ZNF439: variants seen among roughly 807,000 people sequenced by gnomAD.
ZNF439 encodes the protein zinc finger protein 439.
In ZNF439, 40 loss-of-function variants were observed where a neutral mutation model predicts 47.3. The ratio of observed to expected loss-of-function variants is 0.85; its 90% CI spans 0.66 to 1.10. ZNF439 has a LOEUF of 1.10. ZNF439 is among the 50% of genes least tolerant of loss of function. The pLI is 0.00. For synonymous variants in ZNF439, 171 were observed against 198.8 expected, an observed-to-expected ratio of 0.86 and a Z score of 1.18; for missense variants, 556 against 601.1, an observed-to-expected ratio of 0.93 and a Z score of 0.78.
chr19:11,855,348 G>C (rs1976357036), intron 1 of ZNF439, among the ~76,000 whole-genome samples: 1 of 152,160 alleles, frequency 6.6e-6, no homozygotes, highest in African/African-American at 2.4e-5. Context: ...ATTCCATATA[G>C]TCAGCACAGG....
chr19:11,855,790 G>T (rs988247100), intron 1 of ZNF439, among the ~76,000 whole-genome samples: 1 of 152,160 alleles, frequency 6.6e-6, no homozygotes, highest in African/African-American at 2.4e-5. Flanking sequence ...TGTCCCTGAC[G>T]CTCCAGTAGT....
Position 11,868,448 on chromosome 19 carries a change from A to C in ZNF439, c.1394A>C (p.His465Pro). Reference protein sequence around the residue: ...ASQLRIHRRIHTGEKPYECKK... With the variant: ...ASQLRIHRRIPTGEKPYECKK... ...CAACTTCGAATCCATCGTAGGATTC[A>C]CACTGGAGAGAAACCCTATGAATGT... is the stretch of plus-strand genomic sequence containing the variant. Residue 465 changes from histidine (H) to proline (P), a missense_variant, in exon 4 of 4, where the codon CAC becomes CCC. Physicochemically the swap from His to Pro is moderately conservative, Grantham distance 77. Transcript: ENST00000682736. The C allele has an allele frequency of 6.2e-7, 1 of 1,614,054 alleles. No homozygotes were observed.
In ZNF439 at chr19:11,867,598, G is replaced by T; in HGVS notation, c.544G>T (p.Glu182Ter). Residue 182 changes from glutamate to a stop codon, truncating the protein, a stop_gained, in exon 4 of 4, where the codon GAA becomes TAA. Transcript: ENST00000682736. LOFTEE classifies it high-confidence loss of function. ...FRYHPSLRTQ[E>*]RDHTGKKPYA... ...ATATCACCCCTCCTTGAGAACACAA[G>T]AAAGGGATCACACTGGAAAGAAACC... 6.2e-7 allele frequency: 1 copy of T among 1,613,172 alleles called. No homozygotes were observed. Among genetic ancestry groups the T allele is most frequent in the Non-Finnish European group, 8.5e-7 (1 of 1,180,014 alleles).
chr19:11,868,246 C>A lies in ZNF439; in HGVS notation c.1192C>A (p.Arg398Ser). 2 of 1,612,974 alleles carry A rather than the reference C, an allele frequency of 1.2e-6. No individual in the cohort carries two copies. The highest frequency in any genetic ancestry group is 1.7e-6 in the Non-Finnish European group (2 of 1,179,710). The change falls in exon 4 of 4, where the codon CGT becomes AGT. Residue 398 changes from arginine to serine, a missense_variant. Coordinates refer to ENST00000682736, the MANE Select transcript of ZNF439 (RefSeq NM_001348719.2). ...CAAGCAATGTGGTAAAGCCTTCACTCGTTCCGGTTCCTTTCGATATCATGA... is the reference window on the plus strand; with the variant it reads ...CAAGCAATGTGGTAAAGCCTTCACTAGTTCCGGTTCCTTTCGATATCATGA... ...KCKQCGKAFT[R>S]SGSFRYHERT...
Position 11,868,490 on chromosome 19 carries a change from C to A in ZNF439, c.1436C>A (p.Ala479Asp), listed in dbSNP as rs72994214. Residue 479 changes from alanine to aspartate, a missense_variant, in exon 4 of 4, where the codon GCC (alanine) becomes GAC (aspartate). Ala to Asp is a moderately radical substitution (Grantham distance 126). Coordinates refer to ENST00000682736, the MANE Select transcript of ZNF439 (RefSeq NM_001348719.2). ...KPYECKKCGK[A>D]FRYVQNFRFH... Reference sequence around the variant, plus strand: ...TATGAATGTAAGAAATGTGGGAAAGCCTTCAGATATGTCCAGAACTTTCGA... The same window carrying A: ...TATGAATGTAAGAAATGTGGGAAAGACTTCAGATATGTCCAGAACTTTCGA... The A allele has an allele frequency of 5.6e-6, 9 of 1,613,148 alleles. No individual in the cohort carries two copies. Among genetic ancestry groups the A allele is most frequent in the Non-Finnish European group, 7.6e-6 (9 of 1,179,788 alleles).
intron 1 of ZNF439, among the ~76,000 whole-genome samples, chr19:11,861,899 A>T (rs977122113): frequency 3.3e-5 from 5 of 151,976 alleles, no homozygotes; most frequent in Non-Finnish European, 5.9e-5. Flanking sequence ...CAGACATCAG[A>T]TTGTCTTTTG....
chr19:11,864,503 G>C (rs1976621896), intron 1 of ZNF439, among the ~76,000 whole-genome samples: 1 of 151,640 alleles, frequency 6.6e-6, no homozygotes, highest in African/African-American at 2.4e-5. Context: ...CACCATGTTA[G>C]CCAGGCTGGT....
intron 1 of ZNF439, among the ~76,000 whole-genome samples, chr19:11,854,775 T>C (rs779344455): frequency 1.6e-4 from 24 of 151,818 alleles, no homozygotes; most frequent in Non-Finnish European, 2.9e-4. Flanking sequence ...AAAAGAGATA[T>C]TATGTATTTG....
chr19:11,863,152 CTTTTTTTT>C (rs34655587), intron 1 of ZNF439, among the ~76,000 whole-genome samples: 1 of 90,058 alleles, frequency 1.1e-5, no homozygotes, highest in Non-Finnish European at 2.2e-5. Context: ...AAAGATTTTG[CTTTTTTTT>C]TTTTTTTTTT....
At chr19:11,857,429 A>G (rs1488659452) in intron 1 of ZNF439, 1 of 152,232 alleles carries the variant, frequency 6.6e-6, no homozygotes, top group African/African-American at 2.4e-5. Context: ...TAGGCTTGCA[A>G]GGTTTTAACT....
chr19:11,848,749 T>C lies in ZNF439; in HGVS notation c.-119T>C, dbSNP rs76055312. ...CCACTGTGCATCCAGGCACGGAGGA[T>C]GTTGCATTCCTGCCGTCACCTTTGT... On this transcript the variant is annotated 5_prime_UTR_variant, in exon 1 of 4. The change abolishes an upstream ATG in the 5' untranslated region. Transcript: ENST00000682736. The C allele has an allele frequency of 0.027, 32,870 of 1,227,540 alleles. 522 individuals carry two copies. The highest frequency in any genetic ancestry group is 0.03 in the Non-Finnish European group (28,855 of 953,484). The allele number at this position is 1,227,540 out of a possible 1,614,324, so 76.0% of individuals were successfully genotyped here.
chr19:11,852,685 T>C (rs1261484673), intron 1 of ZNF439, among the ~76,000 whole-genome samples: 4 of 152,056 alleles, frequency 2.6e-5, no homozygotes, highest in African/African-American at 9.7e-5. Flanking sequence ...AATTTTTGTA[T>C]TTTTAGTAAA....
intron 1 of ZNF439, among the ~76,000 whole-genome samples, chr19:11,860,317 C>T (rs969962752): frequency 8.5e-5 from 13 of 152,286 alleles, no homozygotes; most frequent in African/African-American, 3.1e-4. Context: ...CCTCAATAGA[C>T]AAATACTGCC....
At chr19:11,865,614 A>AT (rs1018399377) in intron 1 of ZNF439, among the ~76,000 whole-genome samples, 2 of 145,870 alleles carry the variant, frequency 1.4e-5, no homozygotes, top group Non-Finnish European at 3.0e-5. Flanking sequence ...TTTTCTGCAT[A>AT]TTAATTCATA....
At chr19:11,854,504 A>C (rs1452995960) in intron 1 of ZNF439, among the ~76,000 whole-genome samples, 1 of 152,254 alleles carries the variant, frequency 6.6e-6, no homozygotes, top group Non-Finnish European at 1.5e-5. Flanking sequence ...TCACGCCTGT[A>C]ATCCCAGCAC....
intron 1 of ZNF439, chr19:11,865,978 G>A: frequency 2.3e-6 from 3 of 1,333,032 alleles, no homozygotes; most frequent in Non-Finnish European, 2.9e-6. Flanking sequence ...TTGCACCATT[G>A]TACTCCAGCC....
intron 1 of ZNF439, among the ~76,000 whole-genome samples, chr19:11,863,474 T>G (rs922268803): frequency 6.6e-6 from 1 of 152,214 alleles, no homozygotes; most frequent in East Asian, 1.9e-4. Flanking sequence ...TATTTTTTGA[T>G]TAGTTGGCTT....
At chr19:11,863,971 G>A (rs928628815) in intron 1 of ZNF439, among the ~76,000 whole-genome samples, 3 of 151,686 alleles carry the variant, frequency 2.0e-5, no homozygotes, top group Non-Finnish European at 4.4e-5. Flanking sequence ...TGATCTGTCC[G>A]CCTTGACCTC....
chr19:11,855,261 G>A (rs1308643071), intron 1 of ZNF439, among the ~76,000 whole-genome samples: 1 of 152,168 alleles, frequency 6.6e-6, no homozygotes, highest in Admixed American at 6.5e-5. Flanking sequence ...CACAATGTCT[G>A]CAGTTAACAT....
Sources: gnomAD v4.1 joint callset for allele counts (sites outside exome capture counted in the v4.1 genomes callset) on GRCh38, gnomAD v4.1.1 for gene constraint, MANE v1.5 for transcripts, NCBI Gene and HGNC (gene_info 2026-07-23, HGNC 2026-07-21) for gene names.